SGCD: variants seen among roughly 807,000 people sequenced by gnomAD.
The protein encoded by SGCD is sarcoglycan delta, also known as delta-sarcoglycan.
In SGCD, 18 loss-of-function variants were observed where a neutral mutation model predicts 36.6. That is an observed-to-expected ratio of 0.49 (90% CI 0.34 to 0.73). SGCD has a LOEUF of 0.73. Ranked by LOEUF, SGCD falls within the 30% of genes least tolerant of loss-of-function variation. SGCD has a pLI of 0.01. For missense variants in SGCD, 387 were observed against 346.7 expected (o/e 1.12, Z -0.92); for synonymous variants, 133 against 130.6 (o/e 1.02, Z -0.12).
chr5:156,030,739 G>A (rs888033318), intron 1 of SGCD, among the ~76,000 whole-genome samples: 1 of 151,966 alleles, frequency 6.6e-6, no homozygotes, highest in East Asian at 1.9e-4. Context: ...GAAGTTTCAT[G>A]GGGGGGCCCT....
chr5:156,259,891 A>G (rs184120866), intron 3 of SGCD, among the ~76,000 whole-genome samples: 1 of 152,170 alleles, frequency 6.6e-6, no homozygotes, highest in Non-Finnish European at 1.5e-5. Flanking sequence ...GCAAAAAGGC[A>G]CTCACCAGAT....
chr5:156,128,447 TAACTC>T (rs1304043879), intron 3 of SGCD, among the ~76,000 whole-genome samples: 1 of 151,960 alleles, frequency 6.6e-6, no homozygotes, highest in Non-Finnish European at 1.5e-5. Flanking sequence ...TTAATTATAA[TAACTC>T]AATCCTGAAA....
At chr5:156,068,564 A>G (rs574190785) in intron 1 of SGCD, among the ~76,000 whole-genome samples, 1 of 151,920 alleles carries the variant, frequency 6.6e-6, no homozygotes, top group Admixed American at 6.5e-5. Flanking sequence ...GCTATTGTGA[A>G]TAGTGCCGCA....
At chr5:156,134,650 A>C (rs2127607685) in intron 3 of SGCD, among the ~76,000 whole-genome samples, 1 of 148,090 alleles carries the variant, frequency 6.8e-6, no homozygotes, top group Admixed American at 6.7e-5. Context: ...GAACCATGAG[A>C]ACACTTGGAC....
intron 7 of SGCD, among the ~76,000 whole-genome samples, chr5:156,649,315 G>A (rs1763364238): frequency 6.6e-6 from 1 of 152,048 alleles, no homozygotes. Flanking sequence ...ATTCCTCAGG[G>A]ATCTAGAACT....
chr5:156,523,471 C>T (rs550028843), intron 4 of SGCD, among the ~76,000 whole-genome samples: 4 of 152,156 alleles, frequency 2.6e-5, no homozygotes, highest in African/African-American at 4.8e-5. Context: ...AAGAGTTAAG[C>T]GAAATGATTT....
intron 1 of SGCD, among the ~76,000 whole-genome samples, chr5:156,037,909 G>C (rs1759539410): frequency 6.6e-6 from 1 of 152,172 alleles, no homozygotes; most frequent in African/African-American, 2.4e-5. Flanking sequence ...ACAGGGTGCA[G>C]GGAGAAGGCA....
intron 1 of SGCD, among the ~76,000 whole-genome samples, chr5:156,021,438 T>G (rs1759095782): frequency 6.6e-6 from 1 of 152,122 alleles, no homozygotes; most frequent in African/African-American, 2.4e-5. Context: ...GAGGATCGCT[T>G]GAGCCCAAGA....
chr5:156,308,325 G>A (rs1274483674), intron 3 of SGCD, among the ~76,000 whole-genome samples: 1 of 149,158 alleles, frequency 6.7e-6, no homozygotes, highest in African/African-American at 2.5e-5. Context: ...TTGAGACGGA[G>A]TCTCGCCCTG....
At chr5:155,875,682 C>G (rs1421955118) in intron 1 of SGCD, among the ~76,000 whole-genome samples, 2 of 151,552 alleles carry the variant, frequency 1.3e-5, no homozygotes, top group Non-Finnish European at 2.9e-5. Context: ...ATTTTTACCC[C>G]CTCTTTATAG....
the SGCD span, among the ~76,000 whole-genome samples, chr5:155,813,758 C>T: frequency 1.3e-5 from 2 of 152,146 alleles, no homozygotes; most frequent in Non-Finnish European, 1.5e-5. Context: ...GTCCATTTGT[C>T]TGGTAGCCTC....
At chr5:156,056,259 T>A (rs13357272) in intron 1 of SGCD, among the ~76,000 whole-genome samples, 2,944 of 146,008 alleles carry the variant, frequency 0.02, 258 homozygotes, top group African/African-American at 0.068. Context: ...GTTTATAGTT[T>A]AACTCTGAAA....
intron 3 of SGCD, among the ~76,000 whole-genome samples, chr5:156,212,555 A>T (rs1764472640): frequency 6.6e-6 from 1 of 152,134 alleles, no homozygotes; most frequent in Admixed American, 6.5e-5. Context: ...ACAGTAGAGG[A>T]CTTCAATACC....
At chr5:155,763,048 G>A in the SGCD span, among the ~76,000 whole-genome samples, 2 of 152,132 alleles carry the variant, frequency 1.3e-5, no homozygotes, top group African/African-American at 4.8e-5. Context: ...ATCTTTGAAT[G>A]GTGCTTCACT....
At chr5:155,929,321 G>A (rs1053777560) in intron 1 of SGCD, among the ~76,000 whole-genome samples, 1 of 152,104 alleles carries the variant, frequency 6.6e-6, no homozygotes, top group South Asian at 2.1e-4. Flanking sequence ...ATAACTGCAG[G>A]AATTCCTTAT....
chr5:155,884,054 G>T (rs1755949121), intron 1 of SGCD, among the ~76,000 whole-genome samples: 1 of 152,054 alleles, frequency 6.6e-6, no homozygotes, highest in Non-Finnish European at 1.5e-5. Context: ...GTTTTTCAAT[G>T]TTATTAGCAC....
intron 3 of SGCD, among the ~76,000 whole-genome samples, chr5:156,267,277 T>G (rs2127667844): frequency 6.6e-6 from 1 of 152,364 alleles, no homozygotes; most frequent in Admixed American, 6.5e-5. Flanking sequence ...TACACTATTC[T>G]CATTCCAAGA....
chr5:155,737,351 C>A, the SGCD span, among the ~76,000 whole-genome samples: 1 of 152,184 alleles, frequency 6.6e-6, no homozygotes, highest in African/African-American at 2.4e-5. Flanking sequence ...CTCTATTCTG[C>A]TTTATCCTAT....
At chr5:156,757,158 C>G (rs1757365706) in intron 7 of SGCD, among the ~76,000 whole-genome samples, 1 of 145,800 alleles carries the variant, frequency 6.9e-6, no homozygotes, top group African/African-American at 2.5e-5. Context: ...TTTTTAACCT[C>G]TATCTGATTC....
Sources: allele counts gnomAD v4.1 joint callset (sites outside exome capture counted in the v4.1 genomes callset), GRCh38; gene constraint gnomAD v4.1.1; transcripts MANE v1.5; gene names NCBI Gene and HGNC (gene_info 2026-07-23, HGNC 2026-07-21).